DRC7: variants seen among roughly 807,000 people sequenced by gnomAD.
The protein encoded by DRC7 is dynein regulatory complex subunit 7, also known as coiled-coil domain containing 135.
In DRC7, 80 loss-of-function variants were observed where a neutral mutation model predicts 104.4. The observed-to-expected ratio is 0.77, with a 90% CI of 0.64 to 0.92. The LOEUF is 0.92. Among genes scored for constraint, DRC7 ranks in the 40% least tolerant of loss-of-function variants. The pLI is 0.00. For missense variants in DRC7, 1,034 were observed against 1,141.1 expected (o/e 0.91, Z 1.35); for synonymous variants, 405 against 447.3 (o/e 0.91, Z 1.19).
chr16:57,709,707 T>TA (rs2048773420), intron 8 of DRC7, among the ~76,000 whole-genome samples: 1 of 152,218 alleles, frequency 6.6e-6, no homozygotes. Flanking sequence ...TGGCTTTTAG[T>TA]ATATTTACAA....
At chr16:57,703,342 CA>C (rs1277015254) in intron 6 of DRC7, among the ~76,000 whole-genome samples, 1 of 151,822 alleles carries the variant, frequency 6.6e-6, no homozygotes, top group Non-Finnish European at 1.5e-5. Context: ...ATCAGAATCA[CA>C]AATGCATCTC....
At chr16:57,720,882 G>A (rs1451759812) in intron 9 of DRC7, among the ~76,000 whole-genome samples, 5 of 152,276 alleles carry the variant, frequency 3.3e-5, no homozygotes, top group South Asian at 4.1e-4. Context: ...TTTCACAAAT[G>A]GGGAAATTAA....
At chr16:57,714,948 G>T in intron 8 of DRC7, 1 of 326,978 alleles carries the variant, frequency 3.1e-6, no homozygotes, top group Non-Finnish European at 6.0e-6. Context: ...ACCTGAGAAT[G>T]CTAATTTGAA....
intron 15 of DRC7, 72 bp downstream of exon 15, chr16:57,727,014 C>A: frequency 1.0e-6 from 1 of 987,204 alleles, no homozygotes; most frequent in Non-Finnish European, 1.6e-6. Flanking sequence ...CTCTATAACC[C>A]AGGCTGGAAT....
chr16:57,704,983 G>T lies in DRC7; in HGVS notation c.807G>T (p.Glu269Asp). The stretch of plus-strand genomic sequence containing the variant: ...AGCAAGAGGTGAAGAAGCAGCAGGA[G>T]ATCAGAGCCCAGGAGAAGAAGCGGC... ...EQEQEVKKQQ[E>D]IRAQEKKRLR... The change falls in exon 7 of 19, where the codon GAG (glutamate) becomes GAT (aspartate). Residue 269 changes from glutamate to aspartate, a missense_variant. Coordinates refer to ENST00000360716, the MANE Select transcript of DRC7 (RefSeq NM_001289162.2). The T allele has an allele frequency of 6.2e-7, 1 of 1,613,542 alleles. No individual in the cohort carries two copies. The highest frequency in any genetic ancestry group is 8.5e-7 in the Non-Finnish European group (1 of 1,179,940).
At chr16:57,707,707 G>A (rs780006643) in intron 8 of DRC7, 29 bp downstream of exon 8, 10 of 1,595,506 alleles carry the variant, frequency 6.3e-6, no homozygotes, top group Non-Finnish European at 7.7e-6. Flanking sequence ...CTGGGTGGGT[G>A]TGGCAGGCAC....
intron 8 of DRC7, chr16:57,714,644 A>G: frequency 5.4e-6 from 1 of 184,016 alleles, no homozygotes; most frequent in Non-Finnish European, 1.1e-5. Flanking sequence ...TCACACACAC[A>G]CACACATACA....
rs770462643 is a variant in DRC7, at chr16:57,698,140, C to T, written c.191C>T (p.Ser64Leu). The T allele has an allele frequency of 6.2e-7, 1 of 1,614,074 alleles. No individual in the cohort carries two copies. Among genetic ancestry groups the T allele is most frequent in the Non-Finnish European group, 8.5e-7 (1 of 1,180,018 alleles). The change falls in exon 3 of 19, where the codon TCA becomes TTA. Residue 64 changes from serine to leucine, a missense_variant. Ser to Leu is a moderately radical substitution (Grantham distance 145). Transcript: ENST00000360716. ...CTGTCAGAGATCCAGATCACTGTCT[C>T]AGCGGAGCTCCCGTGAGTGTGGCAG... ...KKLSEIQITV[S>L]AELPAFTKDT...
chr16:57,699,504 A>G (rs1475904427), intron 4 of DRC7, among the ~76,000 whole-genome samples: 1 of 152,174 alleles, frequency 6.6e-6, no homozygotes, highest in Non-Finnish European at 1.5e-5. Context: ...AGGCCCAGAA[A>G]GGCTCAGAGA....
intron 8 of DRC7, among the ~76,000 whole-genome samples, chr16:57,712,741 C>T (rs1215332516): frequency 2.6e-5 from 4 of 152,012 alleles, no homozygotes; most frequent in African/African-American, 7.3e-5. Flanking sequence ...GATCTTCACT[C>T]ACTGCAATCT....
chr16:57,713,826 C>G (rs1388650723), intron 8 of DRC7: 2 of 153,738 alleles, frequency 1.3e-5, no homozygotes, highest in African/African-American at 4.8e-5. Flanking sequence ...CCCGTCTCAC[C>G]ATCCTGTCCC....
At position 57,730,047 on chromosome 16, in the gene DRC7, CGGAT is replaced by C. The variant is rs373900512; in HGVS notation, c.2392-866_2392-863del. 1.1e-3 allele frequency among the ~76,000 whole-genome samples: 103 copies of C among 89,952 alleles called. 3 individuals are homozygous for C. In the South Asian group the frequency reaches 0.019, roughly 17 times the overall value. 59.0% of individuals were successfully genotyped at this position (89,952 alleles called of 152,430 possible). A position where few individuals can be genotyped will look rare whatever the true frequency, so the allele number is the denominator to read the frequency against. On this transcript the variant is annotated intron_variant, in intron 17 of 18. Transcript: ENST00000360716. Reference sequence around the variant, plus strand: ...ATGGATGAGTGGAAGGACGGATGGACGGATGGATGGATGGATGGATGATGGATGG... The same window carrying C: ...ATGGATGAGTGGAAGGACGGATGGACGGATGGATGGATGGATGATGGATGG...
intron 8 of DRC7, chr16:57,714,225 G>A (rs995633195): frequency 3.7e-4 from 57 of 155,350 alleles, no homozygotes; most frequent in Non-Finnish European, 5.8e-4. Context: ...ACCATCTATT[G>A]AGAAGAAGGC....
At chr16:57,710,280 T>A (rs1419244849) in intron 8 of DRC7, among the ~76,000 whole-genome samples, 1 of 152,218 alleles carries the variant, frequency 6.6e-6, no homozygotes, top group Non-Finnish European at 1.5e-5. Context: ...CGCTTTTTGA[T>A]GCTATGATTT....
intron 6 of DRC7, among the ~76,000 whole-genome samples, chr16:57,704,228 A>G (rs1179976128): frequency 6.6e-6 from 1 of 152,154 alleles, no homozygotes; most frequent in Admixed American, 6.5e-5. Context: ...GTCACACAGC[A>G]GGAAAATGGA....
At chr16:57,714,541 G>T (rs1417487132) in intron 8 of DRC7, among the ~76,000 whole-genome samples, 1 of 152,152 alleles carries the variant, frequency 6.6e-6, no homozygotes, top group South Asian at 2.1e-4. Context: ...TGGGACGATT[G>T]CTTGAGCCCG....
intron 7 of DRC7, among the ~76,000 whole-genome samples, 166 bp downstream of exon 7, chr16:57,705,200 G>A (rs77271411): frequency 0.019 from 2,888 of 152,158 alleles, 105 homozygotes; most frequent in African/African-American, 0.066. Flanking sequence ...ATCTCCCACT[G>A]GTGGTCAGCC....
chr16:57,730,333 G>C, intron 17 of DRC7, among the ~76,000 whole-genome samples: 1 of 147,808 alleles, frequency 6.8e-6, no homozygotes, highest in East Asian at 2.0e-4. Context: ...GGATGGGCGA[G>C]TGGATAGATG....
In DRC7 at chr16:57,704,889, A is replaced by C. The variant is rs1567874470; in HGVS notation, c.713A>C (p.Glu238Ala). Residue 238 changes from glutamate (E) to alanine (A), a missense_variant, in exon 7 of 19, where the codon GAG becomes GCG. Transcript: ENST00000360716. ...TVKPKETIKK[E>A]EKVLPKKYTI... The stretch of plus-strand genomic sequence containing the variant: ...TTTGGGTGACAGACCATCAAGAAGG[A>C]GGAAAAGGTGCTGCCTAAGAAGTAT... The C allele has an allele frequency of 1.2e-6, 2 of 1,613,392 alleles. No homozygotes were observed. Among genetic ancestry groups the C allele is most frequent in the Non-Finnish European group, 1.7e-6 (2 of 1,179,774 alleles).
Sources: allele counts gnomAD v4.1 joint callset (sites outside exome capture counted in the v4.1 genomes callset), GRCh38; gene constraint gnomAD v4.1.1; transcripts MANE v1.5; gene names NCBI Gene and HGNC (gene_info 2026-07-23, HGNC 2026-07-21).